The following TCF12 variants were observed in gnomAD, a reference collection of about 807,000 sequenced individuals.
TCF12 encodes the protein transcription factor 12.
Under a neutral mutation model 86.0 loss-of-function variants are expected in TCF12, and 45 were observed. The ratio of observed to expected loss-of-function variants is 0.52; its 90% confidence interval spans 0.41 to 0.67. The LOEUF is 0.67. Ranked by LOEUF, TCF12 falls within the 30% of genes least tolerant of loss-of-function variation. The probability of loss-of-function intolerance (pLI) is 0.00; values close to 1 mark genes in which losing one functional copy is unlikely to be tolerated. For missense variants in TCF12, 881 were observed against 859.9 expected (o/e 1.02, Z -0.31); for synonymous variants, 330 against 299.6 (o/e 1.10, Z -1.05).
At chr15:57,265,555 A>G (rs1336481116) in intron 18 of TCF12, among the ~76,000 whole-genome samples, 1 of 152,142 alleles carries the variant, frequency 6.6e-6, no homozygotes. Flanking sequence ...TCTTAAATGT[A>G]TGCATAGTTC....
At chr15:57,097,782 C>T (rs536411113) in intron 5 of TCF12, among the ~76,000 whole-genome samples, 2 of 151,950 alleles carry the variant, frequency 1.3e-5, no homozygotes, top group East Asian at 3.9e-4. Flanking sequence ...ATGTTGGCAC[C>T]AAGAGAAACT....
intron 4 of TCF12, among the ~76,000 whole-genome samples, chr15:57,089,785 G>A (rs1031594685): frequency 6.6e-6 from 1 of 152,086 alleles, no homozygotes; most frequent in Middle Eastern, 3.2e-3. Context: ...CAATATTTAA[G>A]TGAGTATTTT....
At chr15:57,211,714 G>A (rs1247616995) in intron 8 of TCF12, among the ~76,000 whole-genome samples, 2 of 152,196 alleles carry the variant, frequency 1.3e-5, no homozygotes, top group African/African-American at 4.8e-5. Flanking sequence ...AGCACTTTGG[G>A]AAGTCGAGGC....
intron 5 of TCF12, among the ~76,000 whole-genome samples, chr15:57,139,883 A>G (rs1216590815): frequency 6.6e-6 from 1 of 152,208 alleles, no homozygotes; most frequent in Non-Finnish European, 1.5e-5. Context: ...AGTAAACTTC[A>G]TTCACTCACA....
At chr15:57,188,465 A>G (rs2056802974) in intron 6 of TCF12, among the ~76,000 whole-genome samples, 1 of 152,214 alleles carries the variant, frequency 6.6e-6, no homozygotes, top group African/African-American at 2.4e-5. Flanking sequence ...CAGAAATGAA[A>G]AAGTTGTTCC....
chr15:57,066,866 G>A (rs373520901), intron 4 of TCF12, among the ~76,000 whole-genome samples: 10 of 152,266 alleles, frequency 6.6e-5, no homozygotes, highest in South Asian at 6.2e-4. Flanking sequence ...CATATTGATT[G>A]AACTTATTCT....
At chr15:57,000,100 A>G (rs189599836) in intron 3 of TCF12, among the ~76,000 whole-genome samples, 6 of 152,270 alleles carry the variant, frequency 3.9e-5, no homozygotes, top group African/African-American at 1.4e-4. Context: ...GAAAGACAGA[A>G]CACATTTCCT....
intron 4 of TCF12, among the ~76,000 whole-genome samples, chr15:57,068,992 A>T (rs1346458294): frequency 6.6e-6 from 1 of 152,158 alleles, no homozygotes; most frequent in African/African-American, 2.4e-5. Context: ...TTCTTGATGT[A>T]CAAATTCTGT....
intron 6 of TCF12, among the ~76,000 whole-genome samples, chr15:57,182,539 T>C (rs566165814): frequency 5.9e-5 from 9 of 152,250 alleles, no homozygotes; most frequent in African/African-American, 1.7e-4. Flanking sequence ...AAACAATTTT[T>C]TCTATATTTA....
chr15:57,158,418 G>C (rs989939897), intron 5 of TCF12, among the ~76,000 whole-genome samples: 4 of 151,946 alleles, frequency 2.6e-5, no homozygotes, highest in African/African-American at 9.7e-5. Flanking sequence ...GGGCTCAAGT[G>C]ATCCACAGCC....
intron 3 of TCF12, among the ~76,000 whole-genome samples, chr15:57,035,148 C>G (rs139333865): frequency 0.01 from 1,597 of 152,178 alleles, 29 homozygotes; most frequent in African/African-American, 0.036. Context: ...CCTTAATTAC[C>G]AGATGAAGAA....
chr15:56,932,172 A>G (rs1262745702), intron 3 of TCF12, among the ~76,000 whole-genome samples: 1 of 152,226 alleles, frequency 6.6e-6, no homozygotes, highest in Non-Finnish European at 1.5e-5. Flanking sequence ...GAAGGGGAGG[A>G]ATCTTATTGT....
At chr15:57,284,187 T>C (rs568311429) in intron 20 of TCF12, among the ~76,000 whole-genome samples, 1 of 152,104 alleles carries the variant, frequency 6.6e-6, no homozygotes, top group South Asian at 2.1e-4. Flanking sequence ...TGTTCTGGGA[T>C]TTTTTTGTTG....
intron 6 of TCF12, among the ~76,000 whole-genome samples, chr15:57,185,036 T>G (rs1448268615): frequency 6.6e-6 from 1 of 152,230 alleles, no homozygotes; most frequent in Non-Finnish European, 1.5e-5. Context: ...AAATGTTGTA[T>G]CTATTGGAAT....
intron 6 of TCF12, among the ~76,000 whole-genome samples, chr15:57,191,362 G>A (rs1056653737): frequency 2.0e-5 from 3 of 152,302 alleles, no homozygotes; most frequent in Admixed American, 2.0e-4. Flanking sequence ...TGTTTCAGCA[G>A]GCTAAGAAAG....
intron 3 of TCF12, among the ~76,000 whole-genome samples, chr15:56,996,322 G>A (rs931446033): frequency 1.3e-5 from 2 of 152,048 alleles, no homozygotes; most frequent in East Asian, 3.8e-4. Context: ...ACAGAATAGA[G>A]AACCCAAAAG....
intron 8 of TCF12, chr15:57,219,562 C>A: frequency 6.2e-7 from 1 of 1,613,526 alleles, no homozygotes; most frequent in Non-Finnish European, 8.5e-7. Flanking sequence ...GGCAGCAATT[C>A]TTTGATGTAT....
intron 12 of TCF12, among the ~76,000 whole-genome samples, chr15:57,236,933 G>A (rs2059404189): frequency 6.6e-6 from 1 of 152,140 alleles, no homozygotes; most frequent in South Asian, 2.1e-4. Flanking sequence ...ACATTTGCCA[G>A]ACAATAACCC....
chr15:56,938,588 ATTC>A (rs1284663330), intron 3 of TCF12, among the ~76,000 whole-genome samples: 6 of 149,990 alleles, frequency 4.0e-5, no homozygotes, highest in African/African-American at 1.2e-4. Flanking sequence ...ATTGGTACTA[ATTC>A]TTCTTTGAAC....
Sources: gnomAD v4.1 joint callset for allele counts (sites outside exome capture counted in the v4.1 genomes callset) on GRCh38, gnomAD v4.1.1 for gene constraint, MANE v1.5 for transcripts, NCBI Gene and HGNC (gene_info 2026-07-23, HGNC 2026-07-21) for gene names.